Variants in JAK1 observed in about 807,000 individuals in gnomAD.
JAK1 encodes tyrosine-protein kinase JAK1.
Under a neutral mutation model 136.6 loss-of-function variants are expected in JAK1, and 16 were observed. The observed-to-expected ratio is 0.12, with a 90% CI of 0.08 to 0.18. The LOEUF is 0.18. Among genes scored for constraint, JAK1 ranks in the 10% least tolerant of loss-of-function variants. The probability of loss-of-function intolerance (pLI) is 1.00; values close to 1 mark genes in which losing one functional copy is unlikely to be tolerated. For synonymous variants in JAK1, 492 were observed against 519.5 expected, an observed-to-expected ratio of 0.95 and a Z score of 0.72; for missense variants, 859 against 1,450.1, an observed-to-expected ratio of 0.59 and a Z score of 6.62.
At chr1:65,055,372 ATACAC>A (rs1647485849) in intron 1 of JAK1, among the ~76,000 whole-genome samples, 1 of 152,222 alleles carries the variant, frequency 6.6e-6, no homozygotes, top group Non-Finnish European at 1.5e-5. Context: ...CAATGTAGGT[ATACAC>A]TACATTTCAT....
chr1:64,838,504 G>T lies in JAK1; in HGVS notation c.2928C>A (p.Asn976Lys), dbSNP rs772224443. ...CGGCATATTTTAGCTGCTGTTTGAG[G>T]TTTATTTTGTTCTTATTCTTTGGAA... ...EYLPKNKNKI[N>K]LKQQLKYAVQ... The change falls in exon 21 of 25, where the codon AAC becomes AAA. Residue 976 changes from asparagine (N) to lysine (K), a missense_variant. Asn to Lys is a moderately conservative substitution (Grantham distance 94). This residue lies in a region of JAK1 where 409 missense variants were observed against 753.8 expected (regional missense o/e 0.54). Transcript: ENST00000342505. 6.2e-7 allele frequency: 1 copy of T among 1,613,902 alleles called. No homozygotes were observed. Among genetic ancestry groups the T allele is most frequent in the South Asian group, 1.1e-5 (1 of 91,072 alleles).
At chr1:64,987,948 T>C (rs1646615419) in intron 2 of JAK1, among the ~76,000 whole-genome samples, 1 of 152,236 alleles carries the variant, frequency 6.6e-6, no homozygotes, top group Admixed American at 6.5e-5. Flanking sequence ...AAACCATTCT[T>C]ATTTTATTCA....
At chr1:64,976,447 T>C (rs1305861057) in intron 2 of JAK1, among the ~76,000 whole-genome samples, 2 of 152,212 alleles carry the variant, frequency 1.3e-5, no homozygotes, top group African/African-American at 4.8e-5. Context: ...TCCTCTGACC[T>C]TGTTGGTTAT....
intron 24 of JAK1, 32 bp from the exon 25 acceptor site, chr1:64,834,689 ATGT>A: frequency 7.3e-7 from 1 of 1,365,918 alleles, no homozygotes; most frequent in African/African-American, 1.4e-5. Flanking sequence ...AACAGTAAAA[ATGT>A]TAGATCTGGG....
chr1:64,923,755 A>C (rs1323800393), intron 1 of JAK1, among the ~76,000 whole-genome samples: 1 of 152,142 alleles, frequency 6.6e-6, no homozygotes, highest in Non-Finnish European at 1.5e-5. Context: ...TCTTTCCCCC[A>C]CAGATTTCTC....
At chr1:64,893,400 G>GA (rs1644968582) in intron 1 of JAK1, among the ~76,000 whole-genome samples, 1 of 147,310 alleles carries the variant, frequency 6.8e-6, no homozygotes, top group Admixed American at 6.7e-5. Flanking sequence ...CCTGCATAAT[G>GA]AAAAAGTATT....
chr1:65,053,212 T>C (rs1569956151), intron 1 of JAK1, among the ~76,000 whole-genome samples: 1 of 145,632 alleles, frequency 6.9e-6, no homozygotes, highest in Non-Finnish European at 1.5e-5. Context: ...CCAGGCATGG[T>C]GGCATATGCC....
chr1:64,931,186 C>G (rs908517870), intron 1 of JAK1, among the ~76,000 whole-genome samples: 3 of 152,064 alleles, frequency 2.0e-5, no homozygotes, highest in African/African-American at 7.2e-5. Flanking sequence ...GATTCCACAT[C>G]GGACTTGATA....
chr1:64,844,273 T>G lies in JAK1; in HGVS notation c.2252-58A>C. The G allele has an allele frequency of 1.3e-6, 2 of 1,596,490 alleles. No individual in the cohort carries two copies. The highest frequency in any genetic ancestry group is 1.7e-6 in the Non-Finnish European group (2 of 1,164,204). Reference sequence around the variant, plus strand: ...TTCTGGGATCTCCTAGGGATTCAATTACTGTCACTGCAGCCAGAACAGTGA... The same window carrying G: ...TTCTGGGATCTCCTAGGGATTCAATGACTGTCACTGCAGCCAGAACAGTGA... On this transcript the variant is annotated intron_variant, in intron 16 of 24. Coordinates refer to ENST00000342505, the MANE Select transcript of JAK1 (RefSeq NM_002227.4). This position sits in a 1 kb window ranked among gnomAD's most constrained non-coding sequence, Gnocchi z 5.7.
chr1:64,999,060 C>T (rs1008736047), intron 2 of JAK1, among the ~76,000 whole-genome samples: 1 of 152,148 alleles, frequency 6.6e-6, no homozygotes, highest in Non-Finnish European at 1.5e-5. Flanking sequence ...CCTTGTAAAT[C>T]TTCCTATCTT....
chr1:64,911,013 C>T (rs1022789606), intron 1 of JAK1, among the ~76,000 whole-genome samples: 1 of 151,226 alleles, frequency 6.6e-6, no homozygotes, highest in African/African-American at 2.4e-5. Flanking sequence ...TCTTAAGATG[C>T]ACCAACCAAA....
chr1:65,000,014 T>C (rs1432292432), intron 2 of JAK1, among the ~76,000 whole-genome samples: 2 of 149,598 alleles, frequency 1.3e-5, no homozygotes, highest in Non-Finnish European at 3.0e-5. Context: ...TTTTTTAAGA[T>C]GGAGTCTCAC....
At chr1:64,884,381 C>T (rs968820318) in intron 2 of JAK1, among the ~76,000 whole-genome samples, 4 of 152,204 alleles carry the variant, frequency 2.6e-5, no homozygotes, top group African/African-American at 9.7e-5. Flanking sequence ...CACACTCCTA[C>T]TACTTTCTTC....
chr1:64,922,879 C>A (rs1209237375), intron 1 of JAK1, among the ~76,000 whole-genome samples: 2 of 152,134 alleles, frequency 1.3e-5, no homozygotes, highest in Admixed American at 1.3e-4. Context: ...GTCCTGGACA[C>A]TTGAGCTTCT....
At chr1:64,891,142 GA>G (rs146958141) in intron 1 of JAK1, among the ~76,000 whole-genome samples, 7 of 147,770 alleles carry the variant, frequency 4.7e-5, no homozygotes, top group East Asian at 2.0e-4. Context: ...TCCAGTCAAG[GA>G]AAAAAAAAAC....
intron 2 of JAK1, among the ~76,000 whole-genome samples, chr1:65,030,380 C>T (rs1647011913): frequency 6.6e-6 from 1 of 152,118 alleles, no homozygotes; most frequent in African/African-American, 2.4e-5. Flanking sequence ...GTATCAGAAA[C>T]CATCCCTTAG....
chr1:64,939,202 G>A (rs1279288147), intron 1 of JAK1, among the ~76,000 whole-genome samples: 1 of 152,344 alleles, frequency 6.6e-6, no homozygotes, highest in East Asian at 1.9e-4. Context: ...CATCAACCCT[G>A]CTGCCTAGAT....
At chr1:65,001,330 C>T (rs567086480) in intron 2 of JAK1, among the ~76,000 whole-genome samples, 61 of 152,356 alleles carry the variant, frequency 4.0e-4, no homozygotes, top group African/African-American at 1.5e-3. Context: ...GGCCCAGCCT[C>T]CGCCAGCAGA....
chr1:64,906,177 C>A (rs534152260), intron 1 of JAK1, among the ~76,000 whole-genome samples: 1 of 152,140 alleles, frequency 6.6e-6, no homozygotes, highest in South Asian at 2.1e-4. Context: ...GCCTGTAATC[C>A]CAGTTACTTG....
Sources: gnomAD v4.1 joint callset for allele counts (sites outside exome capture counted in the v4.1 genomes callset) on GRCh38, gnomAD v4.1.1 for gene constraint, gnomAD v4.1.1 regional missense constraint, Gnocchi (gnomAD v3.1) non-coding constraint, MANE v1.5 for transcripts, NCBI Gene and HGNC (gene_info 2026-07-23, HGNC 2026-07-21) for gene names.